The following USP24 variants were observed in gnomAD, a reference collection of about 807,000 sequenced individuals.
USP24 encodes the protein ubiquitin specific peptidase 24, also known as ubiquitin carboxyl-terminal hydrolase 24.
A neutral mutation model predicts 361.6 loss-of-function variants in USP24; 97 were observed. That is an observed-to-expected ratio of 0.27 (90% confidence interval 0.23 to 0.32). The LOEUF (loss-of-function observed/expected upper bound fraction) is 0.32, where lower values mean the gene tolerates loss of function less well. Among genes scored for constraint, USP24 ranks in the 10% least tolerant of loss-of-function variants. The pLI, the probability that USP24 is intolerant of heterozygous loss-of-function variation, is 1.00. For synonymous variants in USP24, 1,098 were observed against 1,124.6 expected (o/e 0.98, Z 0.47); for missense variants, 2,353 against 3,165.6 (o/e 0.74, Z 6.16).
rs545402953 is a variant in USP24, at chr1:55,071,874, T to C, written c.7740A>G (p.Gly2580=). ...TALLNEKEQS[G]SSNGSESSPA... ...GACTACTCTCCGACCCATTACTGCTTCCTGATTGCTCTTTTTCATTCAACA... is the reference window on the plus strand; with the variant it reads ...GACTACTCTCCGACCCATTACTGCTCCCTGATTGCTCTTTTTCATTCAACA... The change falls in exon 67 of 68, where the codon GGA becomes GGG. Residue 2580 remains glycine (G), a synonymous_variant. Transcript: ENST00000294383. 3 of 1,613,412 alleles carry C rather than the reference T, an allele frequency of 1.9e-6. No individual in the cohort carries two copies. The highest frequency in any genetic ancestry group is 2.2e-5 in the East Asian group (1 of 44,876).
At chr1:55,170,480 G>T (rs1018310353) in intron 5 of USP24, among the ~76,000 whole-genome samples, 1 of 152,164 alleles carries the variant, frequency 6.6e-6, no homozygotes, top group African/African-American at 2.4e-5. Context: ...AGGCAATACT[G>T]CATATGGTTA....
intron 1 of USP24, 103 bp downstream of exon 1, chr1:55,214,687 T>G: frequency 1.0e-6 from 1 of 978,276 alleles, no homozygotes; most frequent in Non-Finnish European, 1.3e-6. Context: ...AAAGCCCCAG[T>G]CGAATGCCCT....
rs541421902 is a variant in USP24, at chr1:55,214,420, T to A, written c.324+370A>T. Among the ~76,000 whole-genome samples the A allele has an allele frequency of 4.6e-4, 70 of 151,816 alleles. 1 individual carries two copies. The highest frequency in any genetic ancestry group is 1.6e-3 in the African/African-American group (65 of 41,400). On this transcript the variant is annotated intron_variant, in intron 1 of 67. Transcript: ENST00000294383. ...CATTTCCGACCCCCTACTGCACGCATCCTTCCCACTATATGCTCAAGTGTC... is the reference window on the plus strand; with the variant it reads ...CATTTCCGACCCCCTACTGCACGCAACCTTCCCACTATATGCTCAAGTGTC...
rs930715018 is a variant in USP24 at position 55,075,536 on chromosome 1, G to A, written c.7381-13C>T. The A allele has an allele frequency of 6.3e-7, 1 of 1,581,398 alleles. No individual in the cohort carries two copies. Among genetic ancestry groups the A allele is most frequent in the Admixed American group, 1.9e-5 (1 of 53,232 alleles). On this transcript the variant is annotated splice_polypyrimidine_tract_variant and intron_variant, in intron 62 of 67. Coordinates refer to ENST00000294383, the MANE Select transcript of USP24 (RefSeq NM_015306.3). Reference sequence around the variant, plus strand: ...GATCTTCAATAACCTGGGAAAGGAAGAAACAAAAATTAGTAAATAAAAGAA... The same window carrying A: ...GATCTTCAATAACCTGGGAAAGGAAAAAACAAAAATTAGTAAATAAAAGAA...
At chr1:55,122,529 T>G (rs909358124) in intron 36 of USP24, among the ~76,000 whole-genome samples, 4 of 152,154 alleles carry the variant, frequency 2.6e-5, no homozygotes, top group Non-Finnish European at 5.9e-5. Context: ...CCACCCTGGT[T>G]GCTGAGTAGA....
intron 1 of USP24, among the ~76,000 whole-genome samples, chr1:55,200,035 G>A (rs1041770999): frequency 1.5e-4 from 23 of 152,280 alleles, no homozygotes; most frequent in African/African-American, 5.1e-4. Context: ...TCACCACCAC[G>A]AGAACAATAT....
Position 55,072,871 on chromosome 1 carries a change from G to T in USP24, c.7527-10C>A. The T allele has an allele frequency of 6.3e-7, 1 of 1,598,684 alleles. No individual in the cohort carries two copies. Among genetic ancestry groups the T allele is most frequent in the East Asian group, 2.2e-5 (1 of 44,488 alleles). On this transcript the variant is annotated splice_polypyrimidine_tract_variant and intron_variant, in intron 64 of 67. Transcript: ENST00000294383. ...CTTAGCTGCAGGACACCTGATGACC[G>T]AGGAGATTTTTATTAGCCAAATTCT...
chr1:55,127,439 T>C (rs1330793114), intron 32 of USP24, among the ~76,000 whole-genome samples: 2 of 152,232 alleles, frequency 1.3e-5, no homozygotes, highest in Non-Finnish European at 2.9e-5. Context: ...GGTGTATATG[T>C]GCCACATTTT....
chr1:55,081,916 A>G (rs1370735099), intron 58 of USP24, among the ~76,000 whole-genome samples: 1 of 152,260 alleles, frequency 6.6e-6, no homozygotes, highest in Non-Finnish European at 1.5e-5. Context: ...GCAAAATAGT[A>G]TTAATTATAC....
At chr1:55,097,430 G>C (rs1432708896) in intron 48 of USP24, among the ~76,000 whole-genome samples, 168 bp downstream of exon 48, 2 of 152,054 alleles carry the variant, frequency 1.3e-5, no homozygotes, top group African/African-American at 2.4e-5. Flanking sequence ...ACTGTTTCCA[G>C]ATCTGCCTAT....
At chr1:55,210,369 GC>G (rs1270472348) in intron 1 of USP24, among the ~76,000 whole-genome samples, 2 of 151,292 alleles carry the variant, frequency 1.3e-5, no homozygotes, top group Non-Finnish European at 2.9e-5. Flanking sequence ...TTACTCTAAA[GC>G]CTTTAAAGGG....
At position 55,163,216 on chromosome 1, in the gene USP24, A is replaced by G. The variant is rs534522710; in HGVS notation, c.928-952T>C. Among the ~76,000 whole-genome samples the G allele has an allele frequency of 1.2e-3, 190 of 152,106 alleles. 3 individuals are homozygous for G. The highest frequency in any genetic ancestry group is 4.3e-3 in the African/African-American group (179 of 41,576). On this transcript the variant is annotated intron_variant, in intron 7 of 67. Transcript: ENST00000294383. ...GAAAAAATATATTTTTATAAACTTGAGGTGGGAGAACATTATCTAAGCAAG... is the reference window on the plus strand; with the variant it reads ...GAAAAAATATATTTTTATAAACTTGGGGTGGGAGAACATTATCTAAGCAAG...
intron 1 of USP24, among the ~76,000 whole-genome samples, chr1:55,208,636 TAAAAC>T (rs1644770937): frequency 7.3e-6 from 1 of 136,340 alleles, no homozygotes; most frequent in South Asian, 2.4e-4. Flanking sequence ...CTCAAAAAAA[TAAAAC>T]AAAACAAAAA....
intron 28 of USP24, among the ~76,000 whole-genome samples, chr1:55,135,376 C>T (rs953225739): frequency 6.6e-6 from 1 of 152,132 alleles, no homozygotes; most frequent in African/African-American, 2.4e-5. Context: ...TCTCCAAAAT[C>T]GGAAACTTTC....
chr1:55,134,418 T>C lies in USP24; in HGVS notation c.3202-5A>G, dbSNP rs566120925. The C allele has an allele frequency of 3.1e-6, 5 of 1,605,846 alleles. No homozygotes were observed. In the South Asian group the frequency reaches 3.3e-5, roughly 11 times the overall value. On this transcript the variant is annotated splice_polypyrimidine_tract_variant and splice_region_variant and intron_variant, in intron 28 of 67. Coordinates refer to ENST00000294383, the MANE Select transcript of USP24 (RefSeq NM_015306.3). Reference sequence around the variant, plus strand: ...TACACCAGGGAGGGATTTCTCCTGATGGAAAAAAGCAAAATAGAAATTCAA... The same window carrying C: ...TACACCAGGGAGGGATTTCTCCTGACGGAAAAAAGCAAAATAGAAATTCAA...
At position 55,214,963 on chromosome 1, in the gene USP24, C is replaced by T; in HGVS notation, c.151G>A (p.Gly51Ser). The T allele has an allele frequency of 7.0e-7, 1 of 1,429,094 alleles. No homozygotes were observed. Among genetic ancestry groups the T allele is most frequent in the East Asian group, 3.1e-5 (1 of 32,150 alleles). 88.5% of individuals were successfully genotyped at this position (1,429,094 alleles called of 1,614,324 possible). ...CCGCTGTCCATGGGCTCGTAGCCGCCGTAGTCGAGGCCCGGCCGCTCGTTG... is the reference window on the plus strand; with the variant it reads ...CCGCTGTCCATGGGCTCGTAGCCGCTGTAGTCGAGGCCCGGCCGCTCGTTG... ...LTNERPGLDY[G>S]GYEPMDSGGG... Residue 51 changes from glycine to serine, a missense_variant, in exon 1 of 68, where the codon GGC (glycine) becomes AGC (serine). Gly to Ser is a moderately conservative substitution (Grantham distance 56). Transcript: ENST00000294383.
chr1:55,139,320 T>C (rs969574131), intron 24 of USP24, among the ~76,000 whole-genome samples: 1 of 152,238 alleles, frequency 6.6e-6, no homozygotes, highest in East Asian at 1.9e-4. Flanking sequence ...TATCTGTCCA[T>C]TAATTTATCA....
Position 55,079,627 on chromosome 1 carries a change from T to C in USP24, c.7111A>G (p.Ser2371Gly). The change falls in exon 60 of 68, where the codon AGC (serine) becomes GGC (glycine). Residue 2371 changes from serine (S) to glycine (G), a missense_variant. Ser to Gly is a moderately conservative substitution (Grantham distance 56). Transcript: ENST00000294383. ...PGIFKQRPPISIAPSSPLLPL... is the reference protein window; with the variant it reads ...PGIFKQRPPIGIAPSSPLLPL... ...AACAGAGGGCTTGAGGGAGCAATGC[T>C]AATGGGTGGTCGTTGCTTAAATATG... 1 of 1,543,650 alleles carries C rather than the reference T, an allele frequency of 6.5e-7. No homozygotes were observed. Among genetic ancestry groups the C allele is most frequent in the South Asian group, 1.3e-5 (1 of 77,314 alleles).
chr1:55,067,712 G>A lies in USP24; in HGVS notation c.*1333C>T, dbSNP rs1446181092. The stretch of plus-strand genomic sequence containing the variant: ...ACTTCCTAAGGCTCCCTAGTTCTGT[G>A]CATGGTGAGATGAAAATAAGGCAGG... On this transcript the variant is annotated 3_prime_UTR_variant, in exon 68 of 68. Transcript: ENST00000294383. 1 of 152,192 alleles carries A rather than the reference G, an allele frequency of 6.6e-6. No homozygotes were observed. Among genetic ancestry groups the A allele is most frequent in the Admixed American group, 6.5e-5 (1 of 15,286 alleles). The allele number at this position is 152,192 out of a possible 1,614,324, so 9.4% of individuals were successfully genotyped here. A position where few individuals can be genotyped will look rare whatever the true frequency, so the allele number is the denominator to read the frequency against.
Sources: allele counts gnomAD v4.1 joint callset (sites outside exome capture counted in the v4.1 genomes callset), GRCh38; gene constraint gnomAD v4.1.1; transcripts MANE v1.5; gene names NCBI Gene and HGNC (gene_info 2026-07-23, HGNC 2026-07-21).